The following CDC14A variants were observed in gnomAD, a reference collection of about 807,000 sequenced individuals.
The protein encoded by CDC14A is dual specificity protein phosphatase CDC14A.
In CDC14A, 53 loss-of-function variants were observed where a neutral mutation model predicts 74.4. The ratio of observed to expected loss-of-function variants is 0.71; its 90% CI spans 0.57 to 0.89. The LOEUF (loss-of-function observed/expected upper bound fraction) is 0.89. Ranked by LOEUF, CDC14A falls within the 40% of genes least tolerant of loss-of-function variation. The pLI is 0.00. For missense variants in CDC14A, 646 were observed against 713.7 expected (o/e 0.91, Z 1.08); for synonymous variants, 247 against 258.4 (o/e 0.96, Z 0.43).
chr1:100,504,455 T>C (rs953128557), intron 15 of CDC14A, among the ~76,000 whole-genome samples: 1 of 152,204 alleles, frequency 6.6e-6, no homozygotes. Context: ...GCAAACTTTT[T>C]CTGTAAAGGG....
chr1:100,488,111 AT>A (rs1301335133), intron 11 of CDC14A, among the ~76,000 whole-genome samples: 1 of 152,204 alleles, frequency 6.6e-6, no homozygotes, highest in Admixed American at 6.5e-5. Context: ...TCACTTTAAC[AT>A]TTAGGGGCCT....
intron 4 of CDC14A, among the ~76,000 whole-genome samples, chr1:100,407,204 T>G (rs767771872): frequency 2.0e-5 from 3 of 150,882 alleles, no homozygotes; most frequent in Non-Finnish European, 4.4e-5. Flanking sequence ...TCCATATGAA[T>G]TTTAAAATAG....
At chr1:100,457,953 A>C (rs530795231) in intron 8 of CDC14A, among the ~76,000 whole-genome samples, 2 of 152,314 alleles carry the variant, frequency 1.3e-5, no homozygotes, top group South Asian at 2.1e-4. Context: ...AAATAGAATC[A>C]CTAGATAAAA....
chr1:100,349,674 C>T (rs1221965520), upstream of CDC14A, among the ~76,000 whole-genome samples: 1 of 152,206 alleles, frequency 6.6e-6, no homozygotes, highest in Non-Finnish European at 1.5e-5. Flanking sequence ...GACAGGGTCT[C>T]ACTCTGTCAC....
chr1:100,431,669 T>C (rs943699949), intron 5 of CDC14A, among the ~76,000 whole-genome samples: 3 of 151,318 alleles, frequency 2.0e-5, no homozygotes, highest in African/African-American at 7.3e-5. Flanking sequence ...TAGTAAGACC[T>C]GGTCTCTACA....
chr1:100,505,253 C>T (rs1037867860), intron 15 of CDC14A, among the ~76,000 whole-genome samples: 30 of 152,198 alleles, frequency 2.0e-4, no homozygotes, highest in Non-Finnish European at 4.3e-4. Flanking sequence ...ATGTAGTTCT[C>T]TTTTCTAGTG....
intron 10 of CDC14A, among the ~76,000 whole-genome samples, chr1:100,477,054 C>T (rs554094471): frequency 2.6e-5 from 4 of 152,068 alleles, no homozygotes; most frequent in Admixed American, 6.6e-5. Flanking sequence ...ATATGGGCAG[C>T]CACTGTAAAT....
chr1:100,367,759 G>T (rs1653846500), intron 2 of CDC14A, among the ~76,000 whole-genome samples: 1 of 152,142 alleles, frequency 6.6e-6, no homozygotes, highest in African/African-American at 2.4e-5. Flanking sequence ...ATAAAGGCTG[G>T]CCCACTGAGC....
intron 8 of CDC14A, among the ~76,000 whole-genome samples, chr1:100,459,085 A>AT: frequency 7.3e-6 from 1 of 137,534 alleles, no homozygotes; most frequent in Non-Finnish European, 1.5e-5. Flanking sequence ...ACTTCTATTT[A>AT]AACACACACA....
chr1:100,357,253 G>A (rs758713179), intron 2 of CDC14A, among the ~76,000 whole-genome samples: 23 of 152,188 alleles, frequency 1.5e-4, no homozygotes, highest in Non-Finnish European at 3.2e-4. Context: ...TGCGATTTCT[G>A]GGAAGATAGA....
chr1:100,413,086 A>G (rs1208811751), intron 4 of CDC14A, among the ~76,000 whole-genome samples: 1 of 151,940 alleles, frequency 6.6e-6, no homozygotes. Context: ...AAGGATGATT[A>G]ATTTCTGTTA....
chr1:100,430,499 A>C (rs904069422), intron 5 of CDC14A, among the ~76,000 whole-genome samples: 1 of 152,182 alleles, frequency 6.6e-6, no homozygotes, highest in Non-Finnish European at 1.5e-5. Context: ...ATTATTTTAG[A>C]TCTTCTGGGC....
At chr1:100,412,698 A>T (rs535847184) in intron 4 of CDC14A, among the ~76,000 whole-genome samples, 2,391 of 34,786 alleles carry the variant, frequency 0.069, 129 homozygotes, top group Middle Eastern at 0.087. Context: ...TGTATGTTTT[A>T]TATATATATA....
At chr1:100,372,329 C>G (rs1438779688) in intron 2 of CDC14A, among the ~76,000 whole-genome samples, 1 of 152,142 alleles carries the variant, frequency 6.6e-6, no homozygotes, top group Non-Finnish European at 1.5e-5. Context: ...TTCACTCTTC[C>G]TTTCATGAAA....
At chr1:100,462,575 T>C in intron 8 of CDC14A, 76 bp from the exon 9 acceptor site, 1 of 1,126,532 alleles carries the variant, frequency 8.9e-7, no homozygotes, top group South Asian at 1.3e-5. Context: ...TACACTTCAT[T>C]GTTGAGAGTT....
In CDC14A at chr1:100,518,294, C is replaced by A. The variant is rs1650409096; in HGVS notation, c.*14C>A. ...GTTCATTACTAAGGCCTTGCCACTC[C>A]AGTGAAAGCTGTTCTTCTCTTAGAC... On this transcript the variant is annotated 3_prime_UTR_variant, in exon 16 of 16. Transcript: ENST00000336454. 6.2e-7 allele frequency: 1 copy of A among 1,605,836 alleles called. No homozygotes were observed. The highest frequency in any genetic ancestry group is 8.5e-7 in the Non-Finnish European group (1 of 1,173,132).
rs1243391838 is a variant in CDC14A, at chr1:100,352,526, G to A, written c.-429G>A. 9.7e-7 allele frequency: 1 copy of A among 1,028,330 alleles called. No individual in the cohort carries two copies. Among genetic ancestry groups the A allele is most frequent in the Non-Finnish European group, 1.2e-6 (1 of 858,294 alleles). The allele number at this position is 1,028,330 out of a possible 1,614,324, so 63.7% of individuals were successfully genotyped here. A position where few individuals can be genotyped will look rare whatever the true frequency, so the allele number is the denominator to read the frequency against. ...TCCGGAGCAGCTGCTGCCAGCCCGC[G>A]GGCACTGAAGTCCTCCCGGCTGCCG... On this transcript the variant is annotated 5_prime_UTR_variant, in exon 1 of 16. Transcript: ENST00000336454.
chr1:100,392,446 C>T (rs1010606927), intron 4 of CDC14A, among the ~76,000 whole-genome samples: 8 of 151,030 alleles, frequency 5.3e-5, no homozygotes, highest in East Asian at 1.9e-4. Context: ...TGCCACTCTT[C>T]GCACGTCTTT....
chr1:100,453,970 T>G (rs867190440), intron 7 of CDC14A, among the ~76,000 whole-genome samples: 35 of 152,238 alleles, frequency 2.3e-4, no homozygotes, highest in African/African-American at 8.4e-4. Context: ...ACAACTAGAT[T>G]AAATGCAGTT....
Sources: gnomAD v4.1 joint callset for allele counts (sites outside exome capture counted in the v4.1 genomes callset) on GRCh38, gnomAD v4.1.1 for gene constraint, MANE v1.5 for transcripts, NCBI Gene and HGNC (gene_info 2026-07-23, HGNC 2026-07-21) for gene names.